The following CFAP47 variants were observed in gnomAD, a reference collection of about 807,000 sequenced individuals.
CFAP47 encodes the protein cilia- and flagella-associated protein 47.
In CFAP47, 29 loss-of-function variants were observed where a neutral mutation model predicts 148.1. That is an observed-to-expected ratio of 0.20 (90% CI 0.15 to 0.27). CFAP47 has a LOEUF of 0.27. Among genes scored for constraint, CFAP47 ranks in the 10% least tolerant of loss-of-function variants. The probability of loss-of-function intolerance (pLI) is 1.00; values close to 1 mark genes in which losing one functional copy is unlikely to be tolerated. For synonymous variants in CFAP47, 664 were observed against 577.3 expected, an observed-to-expected ratio of 1.15 and a Z score of -2.15; for missense variants, 1,872 against 1,697.5, an observed-to-expected ratio of 1.10 and a Z score of -1.81.
chrX:36,137,620 G>C (rs765888309), intron 33 of CFAP47, among the ~76,000 whole-genome samples: 1 of 110,661 alleles, frequency 9.0e-6, no homozygotes, highest in Non-Finnish European at 1.9e-5. Flanking sequence ...TACCCATGTT[G>C]ATGATCATTG....
At chrX:36,049,531 T>C (rs767911183) in intron 26 of CFAP47, among the ~76,000 whole-genome samples, 1 of 97,389 alleles carries the variant, frequency 1.0e-5, no homozygotes, top group African/African-American at 3.6e-5. Context: ...CACACACTAG[T>C]GAAACTTCTG....
chrX:36,128,942 A>ATT (rs199721010), intron 33 of CFAP47, among the ~76,000 whole-genome samples: 5 of 108,505 alleles, frequency 4.6e-5, no homozygotes, highest in East Asian at 5.8e-4. Context: ...CTACCATTTT[A>ATT]TTTTTTTTAA....
chrX:36,325,592 G>A (rs1941511592), intron 57 of CFAP47, among the ~76,000 whole-genome samples: 2 of 111,328 alleles, frequency 1.8e-5, no homozygotes, highest in Non-Finnish European at 3.8e-5. Flanking sequence ...CACAACTGAG[G>A]GAAGAGGATG....
At chrX:36,379,092 G>A (rs782160202) in intron 62 of CFAP47, among the ~76,000 whole-genome samples, 1 of 109,247 alleles carries the variant, frequency 9.2e-6, no homozygotes, top group East Asian at 2.9e-4. Context: ...GATTATAGGC[G>A]TGAGCCACCA....
intron 33 of CFAP47, among the ~76,000 whole-genome samples, chrX:36,119,830 C>A (rs1416610392): frequency 3.6e-5 from 4 of 111,252 alleles, no homozygotes; most frequent in African/African-American, 1.3e-4. Context: ...TCTAGATTTT[C>A]CAATTTATTG....
intron 53 of CFAP47, among the ~76,000 whole-genome samples, chrX:36,302,696 A>G (rs1941309380): frequency 8.9e-6 from 1 of 112,069 alleles, no homozygotes; most frequent in Non-Finnish European, 1.9e-5. Flanking sequence ...ATGAACACTC[A>G]TTTATTATTT....
At chrX:36,133,184 C>T (rs1938980543) in intron 33 of CFAP47, among the ~76,000 whole-genome samples, 1 of 111,087 alleles carries the variant, frequency 9.0e-6, no homozygotes, top group Admixed American at 9.6e-5. Flanking sequence ...CATCTTCTTG[C>T]AGGTGTTTAC....
chrX:36,350,192 T>C (rs1556017265), intron 59 of CFAP47, 60 bp downstream of exon 59: 1 of 760,106 alleles, frequency 1.3e-6, no homozygotes, highest in African/African-American at 2.1e-5. Flanking sequence ...ATATTCTCTA[T>C]TCCCATCTTT....
chrX:35,979,908 T>A (rs1471466433), intron 15 of CFAP47, among the ~76,000 whole-genome samples: 1 of 112,378 alleles, frequency 8.9e-6, no homozygotes, highest in East Asian at 2.8e-4. Flanking sequence ...ATTGAGCTTT[T>A]TAAACCTTAG....
At position 36,236,674 on chromosome X, in the gene CFAP47, G is replaced by T; in HGVS notation, c.7159-12G>T. On this transcript the variant is annotated splice_polypyrimidine_tract_variant and intron_variant, in intron 47 of 63. Transcript: ENST00000378653. ...ACTCCTATAGACCTGAAATTTGTCT[G>T]GTTTCTCATAGGGTAAACTTATTCT... is the stretch of plus-strand genomic sequence containing the variant. The T allele has an allele frequency of 1.9e-6, 1 of 521,278 alleles. No homozygotes were observed. 43.0% of individuals were successfully genotyped at this position (521,278 alleles called of 1,213,427 possible).
chrX:36,155,873 A>G (rs1370269403), intron 37 of CFAP47, among the ~76,000 whole-genome samples: 1 of 111,201 alleles, frequency 9.0e-6, no homozygotes, highest in Non-Finnish European at 1.9e-5. Flanking sequence ...ACTACTCGCA[A>G]ATGCTTACAA....
rs1290305447 is a variant in CFAP47 at position 35,951,312 on chromosome X, A to G, written c.838A>G (p.Ile280Val). 1 of 1,210,359 alleles carries G rather than the reference A, an allele frequency of 8.3e-7. No homozygotes were observed. Among genetic ancestry groups the G allele is most frequent in the Admixed American group, 2.2e-5 (1 of 45,981 alleles). Residue 280 changes from isoleucine to valine, a missense_variant, in exon 5 of 64, where the codon ATA becomes GTA. Coordinates refer to ENST00000378653, the MANE Select transcript of CFAP47 (RefSeq NM_001304548.2). ...TGTATACAATAATAGCCCAGAGCCCATAAATTGGGTGGCCATCATACAAGA... is the reference window on the plus strand; with the variant it reads ...TGTATACAATAATAGCCCAGAGCCCGTAAATTGGGTGGCCATCATACAAGA... ...ARVYNNSPEP[I>V]NWVAIIQDDA...
At chrX:36,180,447 T>G (rs1275240236) in intron 40 of CFAP47, among the ~76,000 whole-genome samples, 1 of 112,096 alleles carries the variant, frequency 8.9e-6, no homozygotes, top group African/African-American at 3.2e-5. Context: ...ACACCCTTGT[T>G]TGTCTTTGTA....
At chrX:36,364,577 A>C (rs1941856049) in intron 61 of CFAP47, among the ~76,000 whole-genome samples, 1 of 109,936 alleles carries the variant, frequency 9.1e-6, no homozygotes, top group Non-Finnish European at 1.9e-5. Flanking sequence ...GACATAAAAA[A>C]GTTGGAAAGA....
At chrX:36,002,602 C>A (rs777332302) in intron 21 of CFAP47, among the ~76,000 whole-genome samples, 4 of 111,008 alleles carry the variant, frequency 3.6e-5, no homozygotes, top group African/African-American at 9.8e-5. Flanking sequence ...ACCAACCAAC[C>A]AACAAACAAA....
intron 63 of CFAP47, among the ~76,000 whole-genome samples, chrX:36,382,887 CTTCTG>C (rs1569333089): frequency 9.0e-6 from 1 of 110,952 alleles, no homozygotes; most frequent in Non-Finnish European, 1.9e-5. Flanking sequence ...ATTATTTTAA[CTTCTG>C]TTCTGTATTT....
At chrX:35,991,788 A>G (rs931748143) in intron 16 of CFAP47, 33 bp from the exon 17 acceptor site, 4 of 292,403 alleles carry the variant, frequency 1.4e-5, no homozygotes, top group African/African-American at 8.3e-5. Flanking sequence ...CATTAATTCA[A>G]TTGTGTTTTT....
chrX:36,186,025 C>T (rs1200027404), intron 40 of CFAP47, among the ~76,000 whole-genome samples: 1 of 111,359 alleles, frequency 9.0e-6, no homozygotes, highest in Non-Finnish European at 1.9e-5. Flanking sequence ...ATGAATATTA[C>T]AATAGATTAT....
chrX:36,036,767 G>T (rs1191089002), intron 24 of CFAP47, among the ~76,000 whole-genome samples: 2 of 111,678 alleles, frequency 1.8e-5, no homozygotes, highest in African/African-American at 6.5e-5. Context: ...TTCAGGCAGG[G>T]TAAGAATCTA....
Sources: allele counts gnomAD v4.1 joint callset (sites outside exome capture counted in the v4.1 genomes callset), GRCh38; gene constraint gnomAD v4.1.1; transcripts MANE v1.5; gene names NCBI Gene and HGNC (gene_info 2026-07-23, HGNC 2026-07-21).